Variants in SV2B observed in about 807,000 individuals in gnomAD.
The protein encoded by SV2B is synaptic vesicle glycoprotein 2B, also known as solute carrier family 22 member B2.
SV2B carries 41 observed loss-of-function variants against 73.9 expected under a neutral mutation model. That is an observed-to-expected ratio of 0.56 (90% CI 0.43 to 0.72). The LOEUF is 0.72. Ranked by LOEUF, SV2B falls within the 30% of genes least tolerant of loss-of-function variation. The pLI is 0.00. For synonymous variants in SV2B, 314 were observed against 314.2 expected (o/e 1.00, Z 0.01); for missense variants, 764 against 857.8 (o/e 0.89, Z 1.37).
At chr15:91,292,311 G>T (rs554184623) in intron 12 of SV2B, 58 bp from the exon 13 acceptor site, 1 of 1,559,100 alleles carries the variant, frequency 6.4e-7, no homozygotes, top group African/African-American at 1.4e-5. Context: ...AAAGAGCCCA[G>T]TCCTGTTCAT....
intron 6 of SV2B, among the ~76,000 whole-genome samples, chr15:91,262,703 A>G (rs1050403068): frequency 6.6e-6 from 1 of 152,178 alleles, no homozygotes; most frequent in African/African-American, 2.4e-5. Flanking sequence ...ATAAGGGAGA[A>G]CATGTACTGC....
chr15:91,274,028 CTGT>C (rs2048403577), intron 9 of SV2B, among the ~76,000 whole-genome samples: 1 of 151,396 alleles, frequency 6.6e-6, no homozygotes, highest in East Asian at 1.9e-4. Flanking sequence ...TGAGAATACT[CTGT>C]TGGGGGAGAA....
chr15:91,206,520 C>T (rs550455914), intron 1 of SV2B, among the ~76,000 whole-genome samples: 1 of 152,252 alleles, frequency 6.6e-6, no homozygotes, highest in Admixed American at 6.5e-5. Context: ...GAAACCTCTT[C>T]AGGAATTTCT....
At chr15:91,126,797 C>T (rs1445665384) in intron 1 of SV2B, among the ~76,000 whole-genome samples, 1 of 152,128 alleles carries the variant, frequency 6.6e-6, no homozygotes, top group Non-Finnish European at 1.5e-5. Context: ...TTTGACAAAA[C>T]CCAACACCTT....
rs2048748444 is a variant in SV2B, at chr15:91,283,498, T to A, written c.1508-523T>A. Among the ~76,000 whole-genome samples, 1 of 152,154 alleles carries A rather than the reference T, an allele frequency of 6.6e-6. No individual in the cohort carries two copies. Among genetic ancestry groups the A allele is most frequent in the African/African-American group, 2.4e-5 (1 of 41,428 alleles). On this transcript the variant is annotated intron_variant, in intron 10 of 12. Transcript: ENST00000394232. The surrounding 1 kb of genome is among the most constrained non-coding windows in gnomAD (Gnocchi z 4.3). Reference sequence around the variant, plus strand: ...TTGCCCAGGCTGGAATGCAGTGGCATGACCATGGCTCAATGTAGCCTTGAC... The same window carrying A: ...TTGCCCAGGCTGGAATGCAGTGGCAAGACCATGGCTCAATGTAGCCTTGAC...
chr15:91,104,244 GTGAT>G (rs2041816563), intron 1 of SV2B, among the ~76,000 whole-genome samples: 1 of 152,226 alleles, frequency 6.6e-6, no homozygotes, highest in South Asian at 2.1e-4. Flanking sequence ...GCTTGCTCAT[GTGAT>G]TTTGGTCTGC....
chr15:91,299,244 A>G lies in SV2B; in HGVS notation c.*6692A>G, dbSNP rs2049357534. ...AAGGAATTGCATAAAAATACTTACAAACATAACTATAAGCAATTGATGAGC... is the reference window on the plus strand; with the variant it reads ...AAGGAATTGCATAAAAATACTTACAGACATAACTATAAGCAATTGATGAGC... On this transcript the variant is annotated 3_prime_UTR_variant, in exon 13 of 13. Coordinates refer to ENST00000394232, the MANE Select transcript of SV2B (RefSeq NM_001323032.3). 6.6e-6 allele frequency: 1 copy of G among 152,214 alleles called. No individual in the cohort carries two copies. Among genetic ancestry groups the G allele is most frequent in the African/African-American group, 2.4e-5 (1 of 41,454 alleles). The allele number at this position is 152,214 out of a possible 1,614,324, so 9.4% of individuals were successfully genotyped here.
intron 1 of SV2B, among the ~76,000 whole-genome samples, chr15:91,190,934 A>G (rs1431666618): frequency 2.6e-5 from 4 of 151,794 alleles, no homozygotes; most frequent in Admixed American, 1.3e-4. Flanking sequence ...GTTCATGATC[A>G]TTATAGTTTC....
At chr15:91,193,479 T>C (rs992814426) in intron 1 of SV2B, among the ~76,000 whole-genome samples, 31 of 152,304 alleles carry the variant, frequency 2.0e-4, no homozygotes, top group South Asian at 2.1e-4. Context: ...CCGTCTGTGC[T>C]TCCTTCTCTT....
At chr15:91,111,136 C>T (rs903297347) in intron 1 of SV2B, among the ~76,000 whole-genome samples, 8 of 152,108 alleles carry the variant, frequency 5.3e-5, no homozygotes, top group Non-Finnish European at 1.0e-4. Flanking sequence ...CCTGCTTCTT[C>T]GGTGGCTCAG....
chr15:91,208,732 G>A (rs2045735651), intron 1 of SV2B, among the ~76,000 whole-genome samples: 1 of 152,178 alleles, frequency 6.6e-6, no homozygotes, highest in Non-Finnish European at 1.5e-5. Flanking sequence ...TTTAGCAATA[G>A]GAGGGCAATG....
rs1050837908 is a variant in SV2B at position 91,245,545 on chromosome 15, C to G, written c.452-6274C>G. Among the ~76,000 whole-genome samples the G allele has an allele frequency of 3.3e-5, 5 of 152,170 alleles. No homozygotes were observed. Among genetic ancestry groups the G allele is most frequent in the African/African-American group, 1.2e-4 (5 of 41,430 alleles). On this transcript the variant is annotated intron_variant, in intron 2 of 12. Transcript: ENST00000394232. The surrounding 1 kb of genome is among the most constrained non-coding windows in gnomAD (Gnocchi z 4.2). ...GGGGGGTATTCCTCAGATTTTCTTA[C>G]AGTGAATAGGAATTACTTTTAGATT... is the stretch of plus-strand genomic sequence containing the variant.
rs2046720215 is a variant in SV2B at position 91,234,902 on chromosome 15, A to G, written c.451+8188A>G. Among the ~76,000 whole-genome samples the G allele has an allele frequency of 6.6e-6, 1 of 152,218 alleles. No individual in the cohort carries two copies. Among genetic ancestry groups the G allele is most frequent in the Non-Finnish European group, 1.5e-5 (1 of 68,042 alleles). On this transcript the variant is annotated intron_variant, in intron 2 of 12. Transcript: ENST00000394232. This position sits in a 1 kb window ranked among gnomAD's most constrained non-coding sequence, Gnocchi z 5.6. ...GCTCTGAACTGACACTAATTCCAAGAGACTGAAAACGTCACTGTGGCCCAT... is the reference window on the plus strand; with the variant it reads ...GCTCTGAACTGACACTAATTCCAAGGGACTGAAAACGTCACTGTGGCCCAT...
chr15:91,141,764 G>A lies in SV2B; in HGVS notation c.-392+41401G>A, dbSNP rs534234831. Among the ~76,000 whole-genome samples the A allele has an allele frequency of 2.7e-5, 4 of 150,096 alleles. No individual in the cohort carries two copies. The highest frequency in any genetic ancestry group is 7.3e-5 in the African/African-American group (3 of 40,972). On this transcript the variant is annotated intron_variant, in intron 1 of 12. Transcript: ENST00000394232. The surrounding 1 kb of genome is among the most constrained non-coding windows in gnomAD (Gnocchi z 4.6). ...TGTTTTGTTTTTTTTTTTGGACAGAGGTCACATTTTGGCAACATCTTTTTC... is the reference window on the plus strand; with the variant it reads ...TGTTTTGTTTTTTTTTTTGGACAGAAGTCACATTTTGGCAACATCTTTTTC...
chr15:91,135,255 C>G (rs754393577), intron 1 of SV2B, among the ~76,000 whole-genome samples: 15 of 152,306 alleles, frequency 9.8e-5, no homozygotes, highest in Middle Eastern at 3.4e-3. Context: ...TCCTTCCCCT[C>G]AAAGAGCAGA....
At chr15:91,152,001 A>G (rs76872349) in intron 1 of SV2B, among the ~76,000 whole-genome samples, 155 of 151,374 alleles carry the variant, frequency 1.0e-3, no homozygotes, top group Non-Finnish European at 1.6e-3. Context: ...AGCTTTATCT[A>G]TGTCTGTTAT....
chr15:91,169,417 GC>G (rs927491869), intron 1 of SV2B, among the ~76,000 whole-genome samples: 15 of 146,994 alleles, frequency 1.0e-4, no homozygotes, highest in Admixed American at 3.3e-4. Context: ...ATGAAAGACA[GC>G]CCCCCCATCC....
chr15:91,186,376 C>T (rs2044770865), intron 1 of SV2B, among the ~76,000 whole-genome samples: 1 of 152,166 alleles, frequency 6.6e-6, no homozygotes, highest in African/African-American at 2.4e-5. Context: ...AGTGAATTGG[C>T]ATCATGATAA....
intron 4 of SV2B, among the ~76,000 whole-genome samples, chr15:91,257,859 CA>C (rs1427224188): frequency 6.6e-6 from 1 of 152,100 alleles, no homozygotes; most frequent in Non-Finnish European, 1.5e-5. Flanking sequence ...CTCAAGAAAT[CA>C]AGACAGGAGT....
Sources: gnomAD v4.1 joint callset for allele counts (sites outside exome capture counted in the v4.1 genomes callset) on GRCh38, gnomAD v4.1.1 for gene constraint, Gnocchi (gnomAD v3.1) non-coding constraint, MANE v1.5 for transcripts, NCBI Gene and HGNC (gene_info 2026-07-23, HGNC 2026-07-21) for gene names.